The following RAP1GAP2 variants were observed in gnomAD, a reference collection of about 807,000 sequenced individuals.
The protein encoded by RAP1GAP2 is RAP1 GTPase activating protein 2.
A neutral mutation model predicts 95.0 loss-of-function variants in RAP1GAP2; 27 were observed. The observed-to-expected ratio is 0.28, with a 90% CI of 0.21 to 0.39. The LOEUF (loss-of-function observed/expected upper bound fraction) is 0.39. Ranked by LOEUF, RAP1GAP2 falls within the 10% of genes least tolerant of loss-of-function variation. The probability of loss-of-function intolerance (pLI) is 1.00; values close to 1 mark genes in which losing one functional copy is unlikely to be tolerated. For missense variants in RAP1GAP2, 771 were observed against 970.0 expected (o/e 0.79, Z 2.72); for synonymous variants, 373 against 380.9 (o/e 0.98, Z 0.24).
intron 2 of RAP1GAP2, among the ~76,000 whole-genome samples, chr17:2,828,800 A>G (rs1017286686): frequency 5.3e-5 from 8 of 152,160 alleles, no homozygotes; most frequent in Admixed American, 3.9e-4. Flanking sequence ...TCCTTCCCCA[A>G]CGGGTCTTGC....
At chr17:3,028,391 G>A (rs536508789) in intron 22 of RAP1GAP2, among the ~76,000 whole-genome samples, 2 of 152,122 alleles carry the variant, frequency 1.3e-5, no homozygotes, top group Non-Finnish European at 2.9e-5. Context: ...CAGAGGTCAC[G>A]GAAGCTGATA....
intron 2 of RAP1GAP2, among the ~76,000 whole-genome samples, chr17:2,822,900 G>A (rs934550744): frequency 6.6e-6 from 1 of 152,058 alleles, no homozygotes; most frequent in Admixed American, 6.6e-5. Flanking sequence ...CAGCTGTGAG[G>A]TCAGGAGTTC....
Position 3,018,243 on chromosome 17 carries a change from G to A in RAP1GAP2, c.1632+45G>A, listed in dbSNP as rs568410734. ...GGGGCGGCAAGTGGGTCCCAGGGAG[G>A]CCCCCCCCAGACCTATGGAGGAAGA... On this transcript the variant is annotated intron_variant, in intron 18 of 24. Transcript: ENST00000254695. The A allele has an allele frequency of 3.8e-5, 58 of 1,522,040 alleles. No individual in the cohort carries two copies. The South Asian group carries it at 6.0e-4, about 16-fold the overall frequency. The allele number at this position is 1,522,040 out of a possible 1,614,324, so 94.3% of individuals were successfully genotyped here.
intron 2 of RAP1GAP2, chr17:2,854,139 T>A: frequency 1.0e-6 from 1 of 985,414 alleles, no homozygotes; most frequent in Non-Finnish European, 1.2e-6. Flanking sequence ...CCCTCCGCTC[T>A]CCTGCTGCAT....
intron 12 of RAP1GAP2, among the ~76,000 whole-genome samples, chr17:2,993,572 A>T (rs1348699839): frequency 5.2e-5 from 6 of 115,422 alleles, no homozygotes; most frequent in African/African-American, 2.5e-4. Context: ...GACTCTGTCT[A>T]AAAAAAAAAA....
chr17:2,884,302 A>G (rs2073405936), intron 2 of RAP1GAP2, among the ~76,000 whole-genome samples: 1 of 144,694 alleles, frequency 6.9e-6, no homozygotes, highest in Non-Finnish European at 1.5e-5. Flanking sequence ...TTCTTCAATC[A>G]CTCCTTCACT....
chr17:2,758,237 G>C (rs2071185287), intron 1 of RAP1GAP2, among the ~76,000 whole-genome samples: 1 of 144,116 alleles, frequency 6.9e-6, no homozygotes, highest in African/African-American at 2.6e-5. Context: ...GTGCAGTGGT[G>C]TGATCTTGGC....
chr17:2,880,445 CCTT>C (rs1449560557), intron 2 of RAP1GAP2, among the ~76,000 whole-genome samples: 9 of 151,562 alleles, frequency 5.9e-5, no homozygotes, highest in Admixed American at 1.3e-4. Context: ...TTATTTTTCA[CCTT>C]CTTCTTTTTT....
chr17:2,796,425 G>T, upstream of RAP1GAP2: 1 of 1,341,434 alleles, frequency 7.5e-7, no homozygotes, highest in African/African-American at 1.4e-5. This position sits in a 1 kb window ranked among gnomAD's most constrained non-coding sequence, Gnocchi z 4.7. Context: ...TGGGCTCCCC[G>T]CCCTGCACCG....
At chr17:2,883,726 C>T (rs2073385944) in intron 2 of RAP1GAP2, among the ~76,000 whole-genome samples, 2 of 152,206 alleles carry the variant, frequency 1.3e-5, no homozygotes, top group African/African-American at 4.8e-5. Flanking sequence ...GGGCATGAGT[C>T]AGCCCTGTTC....
chr17:2,775,927 T>C (rs1018589403), upstream of RAP1GAP2, among the ~76,000 whole-genome samples: 7 of 152,136 alleles, frequency 4.6e-5, no homozygotes, highest in Non-Finnish European at 1.5e-5. Context: ...GCCTGTCATC[T>C]CAGCACTTTG....
intron 3 of RAP1GAP2, among the ~76,000 whole-genome samples, chr17:2,946,937 T>C (rs2043718323): frequency 6.6e-6 from 1 of 152,174 alleles, no homozygotes; most frequent in Non-Finnish European, 1.5e-5. Context: ...GTATTTTTAG[T>C]AGAAACAGGG....
At chr17:2,896,840 G>C (rs897671942) in intron 2 of RAP1GAP2, among the ~76,000 whole-genome samples, 2 of 152,210 alleles carry the variant, frequency 1.3e-5, no homozygotes, top group Admixed American at 1.3e-4. Context: ...GCTGCAGCCC[G>C]AGTCTGGCCC....
In RAP1GAP2 at chr17:3,029,500, G is replaced by A. The variant is rs1183874433; in HGVS notation, c.2108-1422G>A. Among the ~76,000 whole-genome samples, 1 of 152,190 alleles carries A rather than the reference G, an allele frequency of 6.6e-6. No homozygotes were observed. Among genetic ancestry groups the A allele is most frequent in the African/African-American group, 2.4e-5 (1 of 41,440 alleles). ...GTTTGGCTGAGTCTGGGGAGAGGCAGGGTGGAGTGGGGAGAGGTGGCCTGA... is the reference window on the plus strand; with the variant it reads ...GTTTGGCTGAGTCTGGGGAGAGGCAAGGTGGAGTGGGGAGAGGTGGCCTGA... On this transcript the variant is annotated intron_variant, in intron 22 of 24. Coordinates refer to ENST00000254695, the MANE Select transcript of RAP1GAP2 (RefSeq NM_015085.5). This position sits in a 1 kb window ranked among gnomAD's most constrained non-coding sequence, Gnocchi z 4.4.
chr17:2,864,242 C>T (rs765754706), intron 2 of RAP1GAP2, among the ~76,000 whole-genome samples: 2 of 152,158 alleles, frequency 1.3e-5, no homozygotes, highest in Non-Finnish European at 2.9e-5. Flanking sequence ...GAAGCCTGTC[C>T]TCTGGACCAG....
At chr17:2,780,524 G>C (rs12937313) in intron 1 of RAP1GAP2, among the ~76,000 whole-genome samples, 43,076 of 152,140 alleles carry the variant, frequency 0.28, 6,853 homozygotes, top group African/African-American at 0.42. Context: ...GGCCTTGTCT[G>C]CCTACCCTCT....
At chr17:2,861,703 G>T (rs189224996) in intron 2 of RAP1GAP2, among the ~76,000 whole-genome samples, 1 of 151,856 alleles carries the variant, frequency 6.6e-6, no homozygotes, top group African/African-American at 2.4e-5. Context: ...GCAGTGGCGC[G>T]ATCACAGCTC....
chr17:2,907,599 G>A (rs997831527), intron 3 of RAP1GAP2, among the ~76,000 whole-genome samples: 13 of 152,178 alleles, frequency 8.5e-5, no homozygotes, highest in African/African-American at 3.1e-4. Context: ...AGAGGGTCAG[G>A]TAGGGCTTTT....
At chr17:2,795,098 G>A (rs537102768), upstream of RAP1GAP2, among the ~76,000 whole-genome samples, 137 of 151,796 alleles carry the variant, frequency 9.0e-4, no homozygotes, top group African/African-American at 2.3e-3. Context: ...GGCTGGTCTC[G>A]AACTCCTGAC....
Sources: gnomAD v4.1 joint callset for allele counts (sites outside exome capture counted in the v4.1 genomes callset) on GRCh38, gnomAD v4.1.1 for gene constraint, Gnocchi (gnomAD v3.1) non-coding constraint, MANE v1.5 for transcripts, NCBI Gene and HGNC (gene_info 2026-07-23, HGNC 2026-07-21) for gene names.